The following PSMA3 variants were observed in gnomAD, a reference collection of about 807,000 sequenced individuals.
PSMA3 encodes proteasome subunit alpha type-3.
In PSMA3, 8 loss-of-function variants were observed where a neutral mutation model predicts 40.0. The ratio of observed to expected loss-of-function variants is 0.20; its 90% confidence interval spans 0.12 to 0.36. The LOEUF is 0.36. PSMA3 is among the 10% of genes least tolerant of loss of function. PSMA3 has a pLI of 1.00. For synonymous variants in PSMA3, 110 were observed against 100.0 expected (o/e 1.10, Z -0.59); for missense variants, 219 against 310.6 (o/e 0.70, Z 2.22).
At chr14:58,249,179 C>CG (rs1889945352) in intron 2 of PSMA3, among the ~76,000 whole-genome samples, 1 of 151,834 alleles carries the variant, frequency 6.6e-6, no homozygotes, top group South Asian at 2.1e-4. Context: ...AGGCTGGTCT[C>CG]GAACTCCTGA....
intron 2 of PSMA3, among the ~76,000 whole-genome samples, chr14:58,248,560 G>A (rs1210917898): frequency 2.6e-5 from 4 of 152,168 alleles, no homozygotes; most frequent in Admixed American, 2.6e-4. Context: ...AGTCACTGTG[G>A]CCAGCCTAAA....
chr14:58,270,908 ATT>A, intron 9 of PSMA3, 24 bp from the exon 10 acceptor site: 3 of 1,555,246 alleles, frequency 1.9e-6, no homozygotes, highest in Non-Finnish European at 2.6e-6. Context: ...TTTAAAATTC[ATT>A]TACACATGTG....
At chr14:58,261,128 G>T in intron 6 of PSMA3, 108 bp downstream of exon 6, 2 of 732,940 alleles carry the variant, frequency 2.7e-6, no homozygotes, top group Admixed American at 3.3e-5. Flanking sequence ...CTCATTCAAG[G>T]AAAGTAATTT....
chr14:58,258,073 C>T, intron 5 of PSMA3, 75 bp downstream of exon 5: 3 of 1,123,972 alleles, frequency 2.7e-6, no homozygotes. Flanking sequence ...GCATCTTAGC[C>T]TTTTACATAC....
chr14:58,254,081 T>C (rs7158746), intron 3 of PSMA3, among the ~76,000 whole-genome samples: 2 of 150,844 alleles, frequency 1.3e-5, no homozygotes, highest in South Asian at 2.1e-4. Context: ...GTAGGCCCCA[T>C]TGTCTGTTGT....
chr14:58,270,446 G>C lies in PSMA3; in HGVS notation c.619G>C (p.Asp207His), dbSNP rs763049009. ...IIYIVHDEVK[D>H]KAFELELSWV... ...TTACATAGTACATGACGAAGTTAAG[G>C]ATAAAGCTTTTGAACTAGAACTCAG... Residue 207 changes from aspartate to histidine, a missense_variant, in exon 9 of 11, where the codon GAT (aspartate) becomes CAT (histidine). Physicochemically the swap from Asp to His is moderately conservative, Grantham distance 81 (BLOSUM62 -1). Transcript: ENST00000216455. The C allele has an allele frequency of 6.2e-7, 1 of 1,613,602 alleles. No individual in the cohort carries two copies. The highest frequency in any genetic ancestry group is 1.3e-5 in the African/African-American group (1 of 74,998).
chr14:58,258,103 G>C, intron 5 of PSMA3, 105 bp downstream of exon 5: 4 of 767,790 alleles, frequency 5.2e-6, no homozygotes, highest in Non-Finnish European at 4.3e-6. Context: ...GAAACTCGTC[G>C]ATAAGTATTA....
chr14:58,265,628 C>G (rs1183498039), intron 7 of PSMA3: 2 of 152,206 alleles, frequency 1.3e-5, no homozygotes, highest in Non-Finnish European at 2.9e-5. Flanking sequence ...CTGCTGACCC[C>G]TGCTCTGTAC....
chr14:58,263,529 A>AT, intron 6 of PSMA3, 176 bp from the exon 7 acceptor site: 1 of 467,744 alleles, frequency 2.1e-6, no homozygotes. Flanking sequence ...ATTGTTTGGT[A>AT]TTTTAGTATT....
At chr14:58,263,853 C>A in intron 7 of PSMA3, 83 bp downstream of exon 7, 1 of 1,251,448 alleles carries the variant, frequency 8.0e-7, no homozygotes, top group Non-Finnish European at 1.2e-6. Context: ...CAGTCTAAGG[C>A]AGGGATGTCC....
In PSMA3 at chr14:58,256,280, T is replaced by C. The variant is rs12890959; in HGVS notation, c.229-1465T>C. 7.8e-3 allele frequency among the ~76,000 whole-genome samples: 1,195 copies of C among 152,298 alleles called. 7 individuals carry two copies. The highest frequency in any genetic ancestry group is 0.014 in the Admixed American group (218 of 15,292). ...TAGAACAAAACAGTTACAGGTTGAG[T>C]ATCTCTCGTCTAAAATGCTTGGGAC... is the stretch of plus-strand genomic sequence containing the variant. On this transcript the variant is annotated intron_variant, in intron 3 of 10. Coordinates refer to ENST00000216455, the MANE Select transcript of PSMA3 (RefSeq NM_002788.4).
At chr14:58,253,857 G>C (rs1719852205) in intron 3 of PSMA3, among the ~76,000 whole-genome samples, 1 of 152,226 alleles carries the variant, frequency 6.6e-6, no homozygotes, top group African/African-American at 2.4e-5. Context: ...GCCTCCCAAA[G>C]TGCTGGGATT....
At chr14:58,263,401 T>C (rs1890338043) in intron 6 of PSMA3, 3 of 191,984 alleles carry the variant, frequency 1.6e-5, no homozygotes, top group African/African-American at 7.0e-5. Flanking sequence ...TCATTTTTCA[T>C]TGTCATAGTG....
intron 9 of PSMA3, 149 bp downstream of exon 9, chr14:58,270,634 A>G: frequency 7.2e-7 from 1 of 1,396,130 alleles, no homozygotes; most frequent in South Asian, 1.5e-5. Flanking sequence ...AATTGACTTA[A>G]GTTGTGAACA....
intron 3 of PSMA3, among the ~76,000 whole-genome samples, chr14:58,254,764 A>T (rs1010761232): frequency 6.6e-6 from 1 of 152,152 alleles, no homozygotes; most frequent in Admixed American, 6.6e-5. Flanking sequence ...GCAACAGAAG[A>T]TTCTTTAAGT....
chr14:58,262,429 C>T (rs1269834533), intron 6 of PSMA3, among the ~76,000 whole-genome samples: 1 of 152,204 alleles, frequency 6.6e-6, no homozygotes, highest in Non-Finnish European at 1.5e-5. Context: ...TGGTCTCGAA[C>T]TCCTGATCTC....
chr14:58,263,916 C>A, intron 7 of PSMA3, 146 bp downstream of exon 7: 1 of 658,084 alleles, frequency 1.5e-6, no homozygotes, highest in Non-Finnish European at 2.7e-6. Context: ...CTAATGATAG[C>A]TGATGAGCTT....
At chr14:58,269,809 A>G (rs890615228) in intron 8 of PSMA3, 1 of 151,892 alleles carries the variant, frequency 6.6e-6, no homozygotes, top group Non-Finnish European at 1.5e-5. Context: ...GCCTCTTCCT[A>G]GTGAATCCGT....
Position 58,257,786 on chromosome 14 carries a change from C to A in PSMA3, c.270C>A (p.Asp90Glu). 6.2e-7 allele frequency: 1 copy of A among 1,613,328 alleles called. No homozygotes were observed. The highest frequency in any genetic ancestry group is 8.5e-7 in the Non-Finnish European group (1 of 1,179,498). ...TGGCAGATGCTCGTTCTTTAGCAGACATAGCAAGAGAAGAAGCTTCCAACT... is the reference window on the plus strand; with the variant it reads ...TGGCAGATGCTCGTTCTTTAGCAGAAATAGCAAGAGAAGAAGCTTCCAACT... ...GLLADARSLA[D>E]IAREEASNFR... The change falls in exon 4 of 11, where the codon GAC (aspartate) becomes GAA (glutamate). Residue 90 changes from aspartate (D) to glutamate (E), a missense_variant. Physicochemically the swap from Asp to Glu is conservative, Grantham distance 45. Coordinates refer to ENST00000216455, the MANE Select transcript of PSMA3 (RefSeq NM_002788.4).
Sources: gnomAD v4.1 joint callset for allele counts (sites outside exome capture counted in the v4.1 genomes callset) on GRCh38, gnomAD v4.1.1 for gene constraint, MANE v1.5 for transcripts, NCBI Gene and HGNC (gene_info 2026-07-23, HGNC 2026-07-21) for gene names.